PPP1R9A: variants seen among roughly 807,000 people sequenced by gnomAD.
The protein encoded by PPP1R9A is neurabin-1.
A neutral mutation model predicts 141.9 loss-of-function variants in PPP1R9A; 59 were observed. That is an observed-to-expected ratio of 0.42 (90% confidence interval 0.34 to 0.52). The LOEUF is 0.52. Ranked by LOEUF, PPP1R9A falls within the 20% of genes least tolerant of loss-of-function variation. The pLI, the probability that PPP1R9A is intolerant of heterozygous loss-of-function variation, is 0.10. For synonymous variants in PPP1R9A, 500 were observed against 569.7 expected (o/e 0.88, Z 1.74); for missense variants, 1,444 against 1,611.9 (o/e 0.90, Z 1.78).
At chr7:95,190,398 G>A (rs2152829066) in intron 5 of PPP1R9A, among the ~76,000 whole-genome samples, 1 of 152,346 alleles carries the variant, frequency 6.6e-6, no homozygotes, top group South Asian at 2.1e-4. Context: ...TCCCAGCCAT[G>A]GATACCAGTA....
At chr7:95,209,646 A>G (rs546070946) in intron 7 of PPP1R9A, among the ~76,000 whole-genome samples, 3 of 152,324 alleles carry the variant, frequency 2.0e-5, no homozygotes, top group East Asian at 3.9e-4. Flanking sequence ...ATGTAATACC[A>G]TAATCCATGT....
chr7:94,954,244 A>T (rs1369324072), intron 2 of PPP1R9A, among the ~76,000 whole-genome samples: 1 of 151,746 alleles, frequency 6.6e-6, no homozygotes, highest in Non-Finnish European at 1.5e-5. Context: ...TATGTTTGTC[A>T]TTAGTTTTGT....
chr7:95,289,957 T>C (rs1806100817), intron 19 of PPP1R9A, 134 bp from the exon 20 acceptor site: 11 of 1,416,554 alleles, frequency 7.8e-6, no homozygotes, highest in African/African-American at 2.9e-5. Flanking sequence ...TTTTAGCAAA[T>C]GTAACTAGTT....
chr7:95,088,884 CTACTCTCAAAT>C (rs1816969467), intron 2 of PPP1R9A, among the ~76,000 whole-genome samples: 1 of 151,956 alleles, frequency 6.6e-6, no homozygotes, highest in African/African-American at 2.4e-5. Flanking sequence ...TGATAATTTG[CTACTCTCAAAT>C]AGCAGGTTTA....
At chr7:95,239,571 A>G (rs1260292960) in intron 8 of PPP1R9A, among the ~76,000 whole-genome samples, 1 of 152,114 alleles carries the variant, frequency 6.6e-6, no homozygotes, top group East Asian at 1.9e-4. Flanking sequence ...AAATAAATAA[A>G]CAAATAAAAA....
At chr7:95,069,465 T>A (rs554422600) in intron 2 of PPP1R9A, among the ~76,000 whole-genome samples, 1 of 152,072 alleles carries the variant, frequency 6.6e-6, no homozygotes, top group Admixed American at 6.6e-5. Context: ...TAGGTTGGGT[T>A]TGAAGTACTT....
chr7:95,156,192 C>G (rs754338791), intron 4 of PPP1R9A: 2 of 152,462 alleles, frequency 1.3e-5, no homozygotes, highest in Non-Finnish European at 2.9e-5. Context: ...TGCAATGGGG[C>G]GGGCAGTTAC....
intron 2 of PPP1R9A, among the ~76,000 whole-genome samples, chr7:95,008,167 A>C (rs536931610): frequency 6.6e-6 from 1 of 152,320 alleles, no homozygotes; most frequent in African/African-American, 2.4e-5. Flanking sequence ...GTAAGAAACA[A>C]ATTACATGAT....
At chr7:95,148,331 A>T (rs544606413) in intron 4 of PPP1R9A, among the ~76,000 whole-genome samples, 1 of 152,274 alleles carries the variant, frequency 6.6e-6, no homozygotes, top group East Asian at 1.9e-4. Flanking sequence ...AAAAAGAGAG[A>T]TGACACAAAT....
At chr7:95,058,820 C>G (rs1051991064) in intron 2 of PPP1R9A, among the ~76,000 whole-genome samples, 2 of 151,430 alleles carry the variant, frequency 1.3e-5, no homozygotes, top group Non-Finnish European at 2.9e-5. Flanking sequence ...GATGAAGTCT[C>G]GCTCTGTTAC....
chr7:95,078,349 A>G (rs976639805), intron 2 of PPP1R9A, among the ~76,000 whole-genome samples: 3 of 151,560 alleles, frequency 2.0e-5, no homozygotes, highest in Non-Finnish European at 2.9e-5. Flanking sequence ...CATGGTATAT[A>G]TGTGCCACAT....
intron 4 of PPP1R9A, among the ~76,000 whole-genome samples, chr7:95,133,425 C>T (rs1370702776): frequency 6.6e-6 from 1 of 151,178 alleles, no homozygotes; most frequent in Non-Finnish European, 1.5e-5. Context: ...GGATATCTGA[C>T]TCTAGTGCTT....
At chr7:95,126,786 C>A (rs527805394) in intron 4 of PPP1R9A, among the ~76,000 whole-genome samples, 3 of 152,076 alleles carry the variant, frequency 2.0e-5, no homozygotes, top group Non-Finnish European at 2.9e-5. Flanking sequence ...GAGGTTGCAT[C>A]TAAAAGTTGT....
chr7:94,944,728 ATAG>A (rs1445604653), intron 2 of PPP1R9A, among the ~76,000 whole-genome samples: 1 of 152,072 alleles, frequency 6.6e-6, no homozygotes, highest in East Asian at 1.9e-4. Flanking sequence ...TTTTCTCAAA[ATAG>A]TAGATGCCTG....
intron 2 of PPP1R9A, among the ~76,000 whole-genome samples, chr7:94,947,041 C>T (rs116512701): frequency 2.6e-3 from 399 of 152,228 alleles, no homozygotes; most frequent in African/African-American, 9.2e-3. Flanking sequence ...AATGGTCAGA[C>T]ATTCTATCTT....
At chr7:95,097,306 G>A (rs960998153) in intron 2 of PPP1R9A, among the ~76,000 whole-genome samples, 2 of 152,314 alleles carry the variant, frequency 1.3e-5, no homozygotes, top group Admixed American at 6.5e-5. Context: ...GATTACAGGT[G>A]TGAGCCACCG....
intron 16 of PPP1R9A, among the ~76,000 whole-genome samples, chr7:95,274,541 G>T (rs1802810094): frequency 6.6e-6 from 1 of 152,142 alleles, no homozygotes; most frequent in Non-Finnish European, 1.5e-5. Flanking sequence ...AGTCTAAAAG[G>T]ATAATCATTT....
At position 94,975,356 on chromosome 7, in the gene PPP1R9A, G is replaced by GTTTTTTTTTT. The variant is rs68186534; in HGVS notation, c.1395+63866_1395+63875dup. ...TCTGGACAGGCTGTAGTTTTTTTTT[G>GTTTTTTTTTT]TTTTTTTTTTTTTTTTTTTTTTTTT... On this transcript the variant is annotated intron_variant, in intron 2 of 19. Transcript: ENST00000433360. Among the ~76,000 whole-genome samples the GTTTTTTTTTT allele has an allele frequency of 5.2e-4, 63 of 120,744 alleles. 1 individual carries two copies. Among genetic ancestry groups the GTTTTTTTTTT allele is most frequent in the Non-Finnish European group, 8.8e-4 (50 of 56,774 alleles). The allele number at this position is 120,744 out of a possible 152,430, so 79.2% of individuals were successfully genotyped here. A position where few individuals can be genotyped will look rare whatever the true frequency, so the allele number is the denominator to read the frequency against.
intron 12 of PPP1R9A, among the ~76,000 whole-genome samples, chr7:95,257,042 C>A (rs1485507037): frequency 6.6e-6 from 1 of 152,106 alleles, no homozygotes; most frequent in Non-Finnish European, 1.5e-5. Flanking sequence ...AGGCTTTTAA[C>A]TTCTTTAGAA....
Sources: allele counts gnomAD v4.1 joint callset (sites outside exome capture counted in the v4.1 genomes callset), GRCh38; gene constraint gnomAD v4.1.1; transcripts MANE v1.5; gene names NCBI Gene and HGNC (gene_info 2026-07-23, HGNC 2026-07-21).